POLH: variants seen among roughly 807,000 people sequenced by gnomAD.
POLH encodes DNA polymerase eta.
POLH carries 53 observed loss-of-function variants against 73.6 expected under a neutral mutation model. That is an observed-to-expected ratio of 0.72 (90% CI 0.58 to 0.91). The LOEUF is 0.91. Among genes scored for constraint, POLH ranks in the 40% least tolerant of loss-of-function variants. The probability of loss-of-function intolerance (pLI) is 0.00; values close to 1 mark genes in which losing one functional copy is unlikely to be tolerated. For missense variants in POLH, 768 were observed against 865.4 expected (o/e 0.89, Z 1.41); for synonymous variants, 292 against 308.5 (o/e 0.95, Z 0.56).
At chr6:43,606,455 G>GT (rs1767307720) in intron 9 of POLH, among the ~76,000 whole-genome samples, 1 of 150,452 alleles carries the variant, frequency 6.6e-6, no homozygotes, top group Non-Finnish European at 1.5e-5. Flanking sequence ...TTGAGACTGA[G>GT]TTTCGCTCTA....
intron 1 of POLH, chr6:43,578,462 G>C: frequency 2.3e-6 from 1 of 440,298 alleles, no homozygotes; most frequent in Non-Finnish European, 4.5e-6. Context: ...TATAGTTGTG[G>C]AAGTCAAATA....
At chr6:43,599,653 G>A (rs369675281) in intron 5 of POLH, among the ~76,000 whole-genome samples, 5 of 150,114 alleles carry the variant, frequency 3.3e-5, no homozygotes, top group Admixed American at 1.3e-4. Flanking sequence ...TTTTTTCCTG[G>A]TTGGATGAAG....
rs763326375 is a variant in POLH, at chr6:43,603,978, C to T, written c.851C>T (p.Ser284Phe). 8 of 1,613,178 alleles carry T rather than the reference C, an allele frequency of 5.0e-6. No homozygotes were observed. The highest frequency in any genetic ancestry group is 1.7e-5 in the Admixed American group (1 of 60,000). The change falls in exon 7 of 11, where the codon TCC becomes TTC. Residue 284 changes from serine to phenylalanine, a missense_variant. Transcript: ENST00000372236. ...GGTGAACTGACCCAGTTCACTGAAT[C>T]CCAGCTCCAGAGTCATTTTGGGGAG... is the stretch of plus-strand genomic sequence containing the variant. ...YMGELTQFTE[S>F]QLQSHFGEKN...
rs752135845 is a variant in POLH at position 43,617,852 on chromosome 6, G to A, written c.*3295G>A. On this transcript the variant is annotated 3_prime_UTR_variant, in exon 11 of 11. Coordinates refer to ENST00000372236, the MANE Select transcript of POLH (RefSeq NM_006502.3). ...AGAAGAATTGCTTGACCTGGGAGGCGGAGCTTGCAGTGAGCCCAGATCGTG... is the reference window on the plus strand; with the variant it reads ...AGAAGAATTGCTTGACCTGGGAGGCAGAGCTTGCAGTGAGCCCAGATCGTG... Among the ~76,000 whole-genome samples, 10 of 151,938 alleles carry A rather than the reference G, an allele frequency of 6.6e-5. No individual in the cohort carries two copies. Among genetic ancestry groups the A allele is most frequent in the Non-Finnish European group, 1.2e-4 (8 of 68,006 alleles).
At chr6:43,612,802 T>A (rs1768039339) in intron 10 of POLH, among the ~76,000 whole-genome samples, 1 of 144,988 alleles carries the variant, frequency 6.9e-6, no homozygotes, top group African/African-American at 2.5e-5. Flanking sequence ...AATTTCTGAT[T>A]TTTTTTTTTT....
rs1767129189 is a variant in POLH at position 43,605,096 on chromosome 6, GGACTGGGAACATTTCTAT to G, written c.1009-155_1009-138del. Reference sequence around the variant, plus strand: ...AGGCTTGAGCTAGGGCAGGACAGAAGGACTGGGAACATTTCTATGATCTGGTGATCCTTTGATTATGGG... The same window carrying G: ...AGGCTTGAGCTAGGGCAGGACAGAAGGATCTGGTGATCCTTTGATTATGGG... On this transcript the variant is annotated intron_variant, in intron 8 of 10. Transcript: ENST00000372236. Among the ~76,000 whole-genome samples, 3 of 152,256 alleles carry G rather than the reference GGACTGGGAACATTTCTAT, an allele frequency of 2.0e-5. No homozygotes were observed. The South Asian group carries it at 6.2e-4, about 32-fold the overall frequency.
intron 9 of POLH, among the ~76,000 whole-genome samples, chr6:43,605,713 T>A (rs536940506): frequency 1.8e-4 from 27 of 152,116 alleles, no homozygotes; most frequent in Admixed American, 7.9e-4. Context: ...TTAAATTTTT[T>A]AATTTTTTAA....
At chr6:43,594,234 T>C (rs1176018826) in intron 4 of POLH, among the ~76,000 whole-genome samples, 1 of 152,180 alleles carries the variant, frequency 6.6e-6, no homozygotes, top group African/African-American at 2.4e-5. Context: ...CAGAAAGTCA[T>C]ACAATTACAG....
chr6:43,614,697 G>A lies in POLH; in HGVS notation c.*140G>A. On this transcript the variant is annotated 3_prime_UTR_variant, in exon 11 of 11. Coordinates refer to ENST00000372236, the MANE Select transcript of POLH (RefSeq NM_006502.3). ...ACAAAAAATAATCCATTTAGGTGCTGAGTTACGGTCCCATCTCTTCACAGG... is the reference window on the plus strand; with the variant it reads ...ACAAAAAATAATCCATTTAGGTGCTAAGTTACGGTCCCATCTCTTCACAGG... The A allele has an allele frequency of 1.4e-6, 1 of 736,872 alleles. No homozygotes were observed. Among genetic ancestry groups the A allele is most frequent in the Non-Finnish European group, 2.2e-6 (1 of 458,636 alleles). 45.6% of individuals were successfully genotyped at this position (736,872 alleles called of 1,614,324 possible).
chr6:43,600,059 G>A (rs988966262), intron 5 of POLH, among the ~76,000 whole-genome samples: 19 of 151,974 alleles, frequency 1.3e-4, no homozygotes, highest in Admixed American at 9.8e-4. Flanking sequence ...TCAGGAGGCT[G>A]AGGCAGGAGA....
rs199869019 is a variant in POLH, at chr6:43,600,945, T to C, written c.661-43T>C. On this transcript the variant is annotated intron_variant, in intron 5 of 10. Coordinates refer to ENST00000372236, the MANE Select transcript of POLH (RefSeq NM_006502.3). ...GTATGTTTATATTCACCAACTTTGA[T>C]GGGTTGACAGTAATGAGGTTTTTAT... 1,360 of 1,217,640 alleles carry C rather than the reference T, an allele frequency of 1.1e-3. 1 individual carries two copies. Among genetic ancestry groups the C allele is most frequent in the Non-Finnish European group, 1.6e-3 (1,291 of 817,842 alleles). The allele number at this position is 1,217,640 out of a possible 1,614,324, so 75.4% of individuals were successfully genotyped here.
At chr6:43,598,958 ATTTC>A (rs928672899) in intron 5 of POLH, among the ~76,000 whole-genome samples, 10 of 124,676 alleles carry the variant, frequency 8.0e-5, no homozygotes, top group Non-Finnish European at 8.7e-5. Flanking sequence ...ACATTAATGT[ATTTC>A]TTCTATTTTC....
chr6:43,613,411 A>G (rs1024814920), intron 10 of POLH, among the ~76,000 whole-genome samples: 1 of 152,202 alleles, frequency 6.6e-6, no homozygotes, highest in East Asian at 1.9e-4. Flanking sequence ...TTCTCAAGAC[A>G]TAACATCAGC....
chr6:43,612,012 C>T (rs543059520), intron 10 of POLH, among the ~76,000 whole-genome samples: 7 of 152,076 alleles, frequency 4.6e-5, no homozygotes, highest in Non-Finnish European at 5.9e-5. Flanking sequence ...GCCGAGATTG[C>T]GCCATTGCAC....
intron 1 of POLH, among the ~76,000 whole-genome samples, chr6:43,579,916 AATTT>A (rs955681088): frequency 7.9e-6 from 1 of 126,822 alleles, no homozygotes; most frequent in Non-Finnish European, 1.6e-5. Flanking sequence ...TTTTTTTTTA[AATTT>A]ATTTTTTTAT....
intron 9 of POLH, among the ~76,000 whole-genome samples, chr6:43,610,056 CTT>C (rs1297780442): frequency 5.5e-4 from 54 of 98,482 alleles, no homozygotes; most frequent in African/African-American, 2.0e-3. Context: ...TATATAGATT[CTT>C]TTTTTTTTTT....
intron 3 of POLH, 72 bp downstream of exon 3, chr6:43,583,213 G>A: frequency 1.4e-6 from 2 of 1,399,294 alleles, no homozygotes; most frequent in South Asian, 1.2e-5. Flanking sequence ...AGGAACTGGT[G>A]TTTTGAATTT....
At position 43,610,928 on chromosome 6, in the gene POLH, GTTA is replaced by G. The variant is rs3834319; in HGVS notation, c.1244+212_1244+214del. ...GGTAAAGGGTAAATGTCATTTTAAA[GTTA>G]TTATTAAAGTATCGGCCGGGCGCAG... On this transcript the variant is annotated intron_variant, in intron 10 of 10. Transcript: ENST00000372236. 0.11 allele frequency among the ~76,000 whole-genome samples: 17,103 copies of G among 152,120 alleles called. 2,107 individuals carry two copies. The highest frequency in any genetic ancestry group is 0.31 in the African/African-American group (12,757 of 41,422).
chr6:43,589,904 T>C (rs1765249099), intron 4 of POLH, among the ~76,000 whole-genome samples: 1 of 152,128 alleles, frequency 6.6e-6, no homozygotes, highest in South Asian at 2.1e-4. Context: ...TACTTGATTA[T>C]TGATGTGTTG....
Sources: gnomAD v4.1 joint callset for allele counts (sites outside exome capture counted in the v4.1 genomes callset) on GRCh38, gnomAD v4.1.1 for gene constraint, MANE v1.5 for transcripts, NCBI Gene and HGNC (gene_info 2026-07-23, HGNC 2026-07-21) for gene names.